BMP5: variants seen among roughly 807,000 people sequenced by gnomAD.
BMP5 encodes bone morphogenetic protein 5.
Under a neutral mutation model 46.6 loss-of-function variants are expected in BMP5, and 23 were observed. The observed-to-expected ratio is 0.49, with a 90% CI of 0.35 to 0.70. The LOEUF (loss-of-function observed/expected upper bound fraction) is 0.70, where lower values mean the gene tolerates loss of function less well. Ranked by LOEUF, BMP5 falls within the 30% of genes least tolerant of loss-of-function variation. BMP5 has a pLI of 0.00. For synonymous variants in BMP5, 204 were observed against 191.9 expected, an observed-to-expected ratio of 1.06 and a Z score of -0.52; for missense variants, 545 against 565.6, an observed-to-expected ratio of 0.96 and a Z score of 0.37.
At chr6:55,758,686 G>C (rs1251979758) in intron 6 of BMP5, among the ~76,000 whole-genome samples, 1 of 151,914 alleles carries the variant, frequency 6.6e-6, no homozygotes, top group Admixed American at 6.6e-5. Context: ...CTAATGAATT[G>C]CTAGGTTAGA....
chr6:55,787,962 CACA>C (rs940424868), intron 3 of BMP5, among the ~76,000 whole-genome samples: 2 of 151,536 alleles, frequency 1.3e-5, no homozygotes, highest in Non-Finnish European at 3.0e-5. Context: ...TAAACATCAG[CACA>C]ACATGTATTA....
intron 1 of BMP5, among the ~76,000 whole-genome samples, chr6:55,833,942 T>C (rs562599122): frequency 1.3e-5 from 2 of 152,224 alleles, no homozygotes; most frequent in South Asian, 2.1e-4. Flanking sequence ...TGAGATATTA[T>C]GCAAAAATCT....
At chr6:55,760,344 C>T in intron 5 of BMP5, 113 bp downstream of exon 5, 1 of 897,460 alleles carries the variant, frequency 1.1e-6, no homozygotes, top group Non-Finnish European at 1.8e-6. Context: ...TCTAAATGGT[C>T]ATGTCAAAAA....
intron 1 of BMP5, among the ~76,000 whole-genome samples, chr6:55,872,522 C>G (rs1033921735): frequency 1.3e-5 from 2 of 151,448 alleles, no homozygotes; most frequent in South Asian, 2.1e-4. Flanking sequence ...ATGTGTTTCT[C>G]AATAATAAAA....
rs111853409 is a variant in BMP5 at position 55,799,730 on chromosome 6, G to C, written c.684-5303C>G. On this transcript the variant is annotated intron_variant, in intron 2 of 6. Coordinates refer to ENST00000370830, the MANE Select transcript of BMP5 (RefSeq NM_021073.4). Reference sequence around the variant, plus strand: ...TACAGCTCCCTTCTGAACCATCTCTGCTCCCTGGGTGATGGTGTGGGAATC... The same window carrying C: ...TACAGCTCCCTTCTGAACCATCTCTCCTCCCTGGGTGATGGTGTGGGAATC... 7.3e-3 allele frequency among the ~76,000 whole-genome samples: 1,117 copies of C among 152,186 alleles called. 15 individuals carry two copies. Among genetic ancestry groups the C allele is most frequent in the African/African-American group, 0.025 (1,056 of 41,504 alleles).
chr6:55,852,986 TGGGCA>T (rs1259571837), intron 1 of BMP5, among the ~76,000 whole-genome samples: 39 of 151,706 alleles, frequency 2.6e-4, no homozygotes, highest in South Asian at 1.3e-3. Flanking sequence ...AAAAATTAGC[TGGGCA>T]TGGTGGTGCC....
chr6:55,767,024 T>C (rs1386972851), intron 4 of BMP5, among the ~76,000 whole-genome samples: 1 of 152,080 alleles, frequency 6.6e-6, no homozygotes. Flanking sequence ...TTATTTGATA[T>C]TGAATAAATA....
intron 1 of BMP5, among the ~76,000 whole-genome samples, chr6:55,842,258 T>C (rs1263571995): frequency 2.0e-5 from 3 of 152,176 alleles, no homozygotes; most frequent in African/African-American, 7.2e-5. Flanking sequence ...CATGGTCCTA[T>C]CTTAGGTATC....
At chr6:55,786,541 G>A (rs894680640) in intron 3 of BMP5, among the ~76,000 whole-genome samples, 2 of 151,474 alleles carry the variant, frequency 1.3e-5, no homozygotes, top group Non-Finnish European at 3.0e-5. Context: ...CTTGTGGACT[G>A]TAGAGAAAAA....
intron 3 of BMP5, among the ~76,000 whole-genome samples, chr6:55,785,365 G>A (rs916488401): frequency 6.6e-6 from 1 of 151,730 alleles, no homozygotes; most frequent in Non-Finnish European, 1.5e-5. Flanking sequence ...GAACCAAGTA[G>A]AAATTTAACA....
chr6:55,781,088 G>C (rs536123226), intron 3 of BMP5, among the ~76,000 whole-genome samples: 19 of 152,164 alleles, frequency 1.2e-4, no homozygotes, highest in African/African-American at 3.9e-4. Flanking sequence ...CTTTTTAATA[G>C]CTCTTGTCTT....
At chr6:55,827,399 C>A (rs1480688683) in intron 1 of BMP5, among the ~76,000 whole-genome samples, 1 of 151,330 alleles carries the variant, frequency 6.6e-6, no homozygotes, top group South Asian at 2.1e-4. Context: ...TAAAAAAAAA[C>A]CTGCAGGCTA....
chr6:55,853,278 T>A (rs1271916488), intron 1 of BMP5, among the ~76,000 whole-genome samples: 10 of 151,794 alleles, frequency 6.6e-5, no homozygotes, highest in South Asian at 6.2e-4. Context: ...ATTTATCATA[T>A]GAGTAAATTA....
intron 1 of BMP5, among the ~76,000 whole-genome samples, chr6:55,849,755 AC>A (rs1777180702): frequency 6.6e-6 from 1 of 152,052 alleles, no homozygotes; most frequent in African/African-American, 2.4e-5. Flanking sequence ...ACACCCTCAC[AC>A]CCTGCATTTA....
chr6:55,853,094 C>T (rs1050199425), intron 1 of BMP5, among the ~76,000 whole-genome samples: 2 of 150,928 alleles, frequency 1.3e-5, no homozygotes, highest in Non-Finnish European at 2.9e-5. Context: ...CGCACCACTG[C>T]AACTCCAGCC....
intron 3 of BMP5, among the ~76,000 whole-genome samples, chr6:55,786,731 T>C (rs1775459265): frequency 6.6e-6 from 1 of 151,654 alleles, no homozygotes; most frequent in Admixed American, 6.6e-5. Context: ...AAATCATAAG[T>C]GTATATCTTC....
Position 55,754,051 on chromosome 6 carries a change from G to C in BMP5, c.*1482C>G, listed in dbSNP as rs7754291. 1 of 151,592 alleles carries C rather than the reference G, an allele frequency of 6.6e-6. No homozygotes were observed. Among genetic ancestry groups the C allele is most frequent in the Non-Finnish European group, 1.5e-5 (1 of 67,860 alleles). 9.4% of individuals were successfully genotyped at this position (151,592 alleles called of 1,614,324 possible). A position where few individuals can be genotyped will look rare whatever the true frequency, so the allele number is the denominator to read the frequency against. ...TTCAAAACAACATTTTAATATACCCGAATTACAAACAAAGCCATAACATTT... is the reference window on the plus strand; with the variant it reads ...TTCAAAACAACATTTTAATATACCCCAATTACAAACAAAGCCATAACATTT... On this transcript the variant is annotated 3_prime_UTR_variant, in exon 7 of 7. Coordinates refer to ENST00000370830, the MANE Select transcript of BMP5 (RefSeq NM_021073.4).
At chr6:55,820,381 T>C (rs1051357618) in intron 1 of BMP5, among the ~76,000 whole-genome samples, 2 of 152,166 alleles carry the variant, frequency 1.3e-5, no homozygotes, top group African/African-American at 4.8e-5. Flanking sequence ...CCAGAAAATT[T>C]TTTCTCTTTT....
intron 2 of BMP5, among the ~76,000 whole-genome samples, chr6:55,802,272 G>A (rs910451301): frequency 2.0e-5 from 3 of 152,038 alleles, no homozygotes; most frequent in East Asian, 1.9e-4. Context: ...ACAGCTACCC[G>A]GCCACTTCGA....
Sources: gnomAD v4.1 joint callset for allele counts (sites outside exome capture counted in the v4.1 genomes callset) on GRCh38, gnomAD v4.1.1 for gene constraint, MANE v1.5 for transcripts, NCBI Gene and HGNC (gene_info 2026-07-23, HGNC 2026-07-21) for gene names.